The following RTL3 variants were observed in gnomAD, a reference collection of about 807,000 sequenced individuals.
RTL3 encodes the protein retrotransposon Gag like 3.
For synonymous variants in RTL3, 181 were observed against 132.2 expected, an observed-to-expected ratio of 1.37 and a Z score of -2.53; for missense variants, 468 against 341.8, an observed-to-expected ratio of 1.37 and a Z score of -2.91.
In RTL3 at chrX:78,657,928, C is replaced by T; in HGVS notation, c.493G>A (p.Glu165Lys). 1.7e-6 allele frequency: 2 copies of T among 1,208,451 alleles called. No individual in the cohort carries two copies. Among genetic ancestry groups the T allele is most frequent in the South Asian group, 1.8e-5 (1 of 56,347 alleles). The change falls in exon 2 of 2, where the codon GAG becomes AAG. Residue 165 changes from glutamate to lysine, a missense_variant. Physicochemically the swap from Glu to Lys is moderately conservative, Grantham distance 56. Coordinates refer to ENST00000321110, the MANE Select transcript of RTL3 (RefSeq NM_152694.3). ...TATTCTGGTGCCTCCTGGGGCTTCTCAATATTTGGGGGATCCTGGGGTTCT... is the reference window on the plus strand; with the variant it reads ...TATTCTGGTGCCTCCTGGGGCTTCTTAATATTTGGGGGATCCTGGGGTTCT... ...NSEPQDPPNI[E>K]KPQEAPEYQE...
In RTL3 at chrX:78,657,022, G is replaced by A. The variant is rs755328370; in HGVS notation, c.1399C>T (p.Gln467Ter). ...TGGCAGGCCTGGATGTTTCCCGCCT[G>A]CAGGGCCTGATGAGGCTTGACAGGG... is the stretch of plus-strand genomic sequence containing the variant. ...DCPVKPHQALQAGNIQACQ is the reference protein window; with the variant it reads ...DCPVKPHQAL Residue 467 changes from glutamine to a stop codon, truncating the protein, a stop_gained, in exon 2 of 2, where the codon CAG becomes TAG. Coordinates refer to ENST00000321110, the MANE Select transcript of RTL3 (RefSeq NM_152694.3). LOFTEE classifies it high-confidence loss of function. 6.6e-6 allele frequency: 8 copies of A among 1,209,657 alleles called. No homozygotes were observed. The Admixed American group carries it at 1.5e-4, about 23-fold the overall frequency.
At position 78,658,457 on chromosome X, in the gene RTL3, C is replaced by T. The variant is rs201025794; in HGVS notation, c.-37G>A. 2.0e-5 allele frequency: 22 copies of T among 1,113,559 alleles called. No homozygotes were observed. The highest frequency in any genetic ancestry group is 2.6e-5 in the Admixed American group (1 of 38,614). 91.8% of individuals were successfully genotyped at this position (1,113,559 alleles called of 1,213,427 possible). A position where few individuals can be genotyped will look rare whatever the true frequency, so the allele number is the denominator to read the frequency against. Reference sequence around the variant, plus strand: ...ATGGGTATGATTTGACAATTTGCTACCAAGAGAGATTGGGTGGGTGTTTGT... The same window carrying T: ...ATGGGTATGATTTGACAATTTGCTATCAAGAGAGATTGGGTGGGTGTTTGT... On this transcript the variant is annotated 5_prime_UTR_variant, in exon 2 of 2. Transcript: ENST00000321110.
At position 78,658,079 on chromosome X, in the gene RTL3, G is replaced by T; in HGVS notation, c.342C>A (p.Ser114=). 1 of 1,151,702 alleles carries T rather than the reference G, an allele frequency of 8.7e-7. No individual in the cohort carries two copies. Among genetic ancestry groups the T allele is most frequent in the Non-Finnish European group, 1.1e-6 (1 of 870,545 alleles). The allele number at this position is 1,151,702 out of a possible 1,213,427, so 94.9% of individuals were successfully genotyped here. Residue 114 remains serine, a synonymous_variant, in exon 2 of 2, where the codon TCC becomes TCA. Coordinates refer to ENST00000321110, the MANE Select transcript of RTL3 (RefSeq NM_152694.3). ...ACTCCCGGGTTGCTGGAGGCGCCAG[G>T]GACTCTGGGGCTGCTGGGGCCTCCT... ...ELQEAPAAPE[S]LAPPATRESQ...
At position 78,656,826 on chromosome X, in the gene RTL3, C is replaced by A; in HGVS notation, c.*167G>T. The A allele has an allele frequency of 1.3e-5, 7 of 540,758 alleles. No individual in the cohort carries two copies. Among genetic ancestry groups the A allele is most frequent in the Non-Finnish European group, 2.0e-5 (7 of 352,026 alleles). The allele number at this position is 540,758 out of a possible 1,213,427, so 44.6% of individuals were successfully genotyped here. On this transcript the variant is annotated 3_prime_UTR_variant, in exon 2 of 2. Coordinates refer to ENST00000321110, the MANE Select transcript of RTL3 (RefSeq NM_152694.3). ...GGATGGGCAGCTTCTCTCGAAGAACCACAGTATGATCAATGCTGTTTCTGT... is the reference window on the plus strand; with the variant it reads ...GGATGGGCAGCTTCTCTCGAAGAACAACAGTATGATCAATGCTGTTTCTGT...
rs189908711 is a variant in RTL3 at position 78,658,991 on chromosome X, A to T, written c.-229+270T>A. On this transcript the variant is annotated intron_variant, in intron 1 of 1. Transcript: ENST00000321110. ...TTTCAGTGACTAAATCAAATGTTTG[A>T]GCAATGTGGGAATTTTAGGCTCTGC... Among the ~76,000 whole-genome samples the T allele has an allele frequency of 1.0e-3, 111 of 110,374 alleles. 1 individual carries two copies. The highest frequency in any genetic ancestry group is 3.5e-3 in the African/African-American group (105 of 30,281).
chrX:78,658,262 T>C lies in RTL3; in HGVS notation c.159A>G (p.Arg53=). 1.7e-6 allele frequency: 2 copies of C among 1,210,659 alleles called. No individual in the cohort carries two copies. The highest frequency in any genetic ancestry group is 2.2e-6 in the Non-Finnish European group (2 of 895,173). Residue 53 remains arginine, a synonymous_variant, in exon 2 of 2, where the codon CGA becomes CGG. Coordinates refer to ENST00000321110, the MANE Select transcript of RTL3 (RefSeq NM_152694.3). The part of the protein sequence containing the change: ...SQAAKEYDLL[R]KSSEAKEPQK... ...GGGGCTCCTTGGCCTCTGAGGACTT[T>C]CGGAGTAGATCATACTCCTTGGCTG... is the stretch of plus-strand genomic sequence containing the variant.
rs866014456 is a variant in RTL3 at position 78,657,273 on chromosome X, G to C, written c.1148C>G (p.Ser383Cys). 4 of 1,210,412 alleles carry C rather than the reference G, an allele frequency of 3.3e-6. No homozygotes were observed. The African/African-American group carries it at 7.0e-5, about 21-fold the overall frequency. The change falls in exon 2 of 2, where the codon TCT (serine) becomes TGT (cysteine). Residue 383 changes from serine (S) to cysteine (C), a missense_variant. Ser to Cys is a moderately radical substitution (Grantham distance 112). Transcript: ENST00000321110. The part of the protein sequence containing the change: ...LSHTSPATNL[S>C]DLITQCISLE... The stretch of plus-strand genomic sequence containing the variant: ...GCTGATGCACTGAGTGATGAGATCA[G>C]ATAGGTTGGTGGCTGGGCTTGTGTG...
In RTL3 at chrX:78,656,170, A is replaced by G. The variant is rs780427013; in HGVS notation, c.*823T>C. On this transcript the variant is annotated 3_prime_UTR_variant, in exon 2 of 2. Transcript: ENST00000321110. The stretch of plus-strand genomic sequence containing the variant: ...CATTTTTGTGATATAGAAAATATTG[A>G]TAAGAAAAAAATCAAGTCAGTTTAA... 1 of 112,318 alleles carries G rather than the reference A, an allele frequency of 8.9e-6. No homozygotes were observed. The highest frequency in any genetic ancestry group is 3.2e-5 in the African/African-American group (1 of 30,859). 9.3% of individuals were successfully genotyped at this position (112,318 alleles called of 1,213,427 possible). A position where few individuals can be genotyped will look rare whatever the true frequency, so the allele number is the denominator to read the frequency against.
chrX:78,658,185 G>A lies in RTL3; in HGVS notation c.236C>T (p.Thr79Ile). The A allele has an allele frequency of 8.4e-7, 1 of 1,195,609 alleles. No individual in the cohort carries two copies. Residue 79 changes from threonine to isoleucine, a missense_variant, in exon 2 of 2, where the codon ACC (threonine) becomes ATC (isoleucine). Coordinates refer to ENST00000321110, the MANE Select transcript of RTL3 (RefSeq NM_152694.3). ...NPPAAWEAQK[T>I]PEFKEPQKPP... is the part of the protein sequence containing the mutation. ...CTTCTGGGGTTCCTTGAACTCTGGG[G>A]TCTTTTGGGCCTCCCAGGCTGCTGG...
In RTL3 at chrX:78,656,551, C is replaced by A. The variant is rs770361656; in HGVS notation, c.*442G>T. The A allele has an allele frequency of 2.1e-4, 25 of 118,627 alleles. No homozygotes were observed. Among genetic ancestry groups the A allele is most frequent in the Middle Eastern group, 4.1e-3 (1 of 241 alleles). 9.8% of individuals were successfully genotyped at this position (118,627 alleles called of 1,213,427 possible). A position where few individuals can be genotyped will look rare whatever the true frequency, so the allele number is the denominator to read the frequency against. ...TCTTCTATTCCACCTGTGCCTGAAG[C>A]AATTGTAGTGACAATAACGTGATAG... On this transcript the variant is annotated 3_prime_UTR_variant, in exon 2 of 2. Coordinates refer to ENST00000321110, the MANE Select transcript of RTL3 (RefSeq NM_152694.3).
chrX:78,657,707 C>T lies in RTL3; in HGVS notation c.714G>A (p.Leu238=), dbSNP rs141552212. 172 of 1,208,534 alleles carry T rather than the reference C, an allele frequency of 1.4e-4. 1 individual carries two copies. The South Asian group carries it at 2.5e-3, about 18-fold the overall frequency. ...CTCCACTGAAGGTTAAAGTGTATTG[C>T]AGGGGGAAATCTGTAGCCTCTAACC... ...PIGLEATDFP[L]QYTLTFSGDS... is the part of the protein sequence containing the mutation. The change falls in exon 2 of 2, where the codon CTG becomes CTA. Residue 238 remains leucine, a synonymous_variant. Coordinates refer to ENST00000321110, the MANE Select transcript of RTL3 (RefSeq NM_152694.3).
rs915048834 is a variant in RTL3 at position 78,657,493 on chromosome X, G to A, written c.928C>T (p.Pro310Ser). The A allele has an allele frequency of 8.3e-7, 1 of 1,207,283 alleles. No homozygotes were observed. The highest frequency in any genetic ancestry group is 1.1e-6 in the Non-Finnish European group (1 of 893,025). Reference protein sequence around the residue: ...PLLEQCESFIPVLQDTFDNPE... With the variant: ...PLLEQCESFISVLQDTFDNPE... ...TTATCAAAAGTATCCTGGAGCACAG[G>A]TATGAAACTTTCACATTGCTCCAGT... Residue 310 changes from proline to serine, a missense_variant, in exon 2 of 2, where the codon CCT (proline) becomes TCT (serine). Coordinates refer to ENST00000321110, the MANE Select transcript of RTL3 (RefSeq NM_152694.3).
At position 78,658,397 on chromosome X, in the gene RTL3, G is replaced by A; in HGVS notation, c.24C>T (p.Ser8=). The A allele has an allele frequency of 8.3e-7, 1 of 1,205,724 alleles. No homozygotes were observed. Among genetic ancestry groups the A allele is most frequent in the Non-Finnish European group, 1.1e-6 (1 of 892,912 alleles). The change falls in exon 2 of 2, where the codon TCC becomes TCT. Residue 8 remains serine, a synonymous_variant. Coordinates refer to ENST00000321110, the MANE Select transcript of RTL3 (RefSeq NM_152694.3). The part of the protein sequence containing the change: MVEDLAA[S]YIVLKLENEI... ...CATTCTCCAATTTCAGAACAATATA[G>A]GAGGCTGCTAAGTCCTCCACCATCT... is the stretch of plus-strand genomic sequence containing the variant.
At position 78,656,616 on chromosome X, in the gene RTL3, A is replaced by T. The variant is rs188235731; in HGVS notation, c.*377T>A. 41 of 165,101 alleles carry T rather than the reference A, an allele frequency of 2.5e-4. No individual in the cohort carries two copies. Among genetic ancestry groups the T allele is most frequent in the Non-Finnish European group, 4.7e-4 (41 of 87,722 alleles). The allele number at this position is 165,101 out of a possible 1,213,427, so 13.6% of individuals were successfully genotyped here. ...GGGTACTCCATTCTATGTTTGGGTC[A>T]TGTGTCTCAAGCCAATGGATTCCAA... On this transcript the variant is annotated 3_prime_UTR_variant, in exon 2 of 2. Coordinates refer to ENST00000321110, the MANE Select transcript of RTL3 (RefSeq NM_152694.3).
In RTL3 at chrX:78,658,213, G is replaced by A. The variant is rs1434702051; in HGVS notation, c.208C>T (p.Pro70Ser). ...TTTTGGGCCTCCCAGGCTGCTGGGG[G>A]ATTCATGTGCTCTGGGAGCTTCTGG... ...EPQKLPEHMN[P>S]PAAWEAQKTP... The change falls in exon 2 of 2, where the codon CCC (proline) becomes TCC (serine). Residue 70 changes from proline to serine, a missense_variant. Transcript: ENST00000321110. 7 of 1,207,494 alleles carry A rather than the reference G, an allele frequency of 5.8e-6. No individual in the cohort carries two copies. Among genetic ancestry groups the A allele is most frequent in the Non-Finnish European group, 7.8e-6 (7 of 893,825 alleles).
rs772839856 is a variant in RTL3 at position 78,656,489 on chromosome X, G to A, written c.*504C>T. 9.8e-4 allele frequency: 113 copies of A among 115,096 alleles called. 1 individual carries two copies. The highest frequency in any genetic ancestry group is 1.9e-3 in the Admixed American group (21 of 11,123). 9.5% of individuals were successfully genotyped at this position (115,096 alleles called of 1,213,427 possible). ...ACAGGTTGCCAGGAACAGTCACTAG[G>A]ACACAGGATCTACCCAGAAATTATT... On this transcript the variant is annotated 3_prime_UTR_variant, in exon 2 of 2. Coordinates refer to ENST00000321110, the MANE Select transcript of RTL3 (RefSeq NM_152694.3).
rs192655193 is a variant in RTL3 at position 78,656,981 on chromosome X, G to A, written c.*12C>T. On this transcript the variant is annotated 3_prime_UTR_variant, in exon 2 of 2. Transcript: ENST00000321110. ...GACGCATATTTGTAGATTGGCCCAC[G>A]TGGGGTCCCCCTTACTGGCAGGCCT... 365 of 1,196,581 alleles carry A rather than the reference G, an allele frequency of 3.1e-4. No homozygotes were observed. Among genetic ancestry groups the A allele is most frequent in the Non-Finnish European group, 3.8e-4 (333 of 886,812 alleles).
rs1318946303 is a variant in RTL3, at chrX:78,658,191, T to G, written c.230A>C (p.Gln77Pro). Residue 77 changes from glutamine to proline, a missense_variant, in exon 2 of 2, where the codon CAA becomes CCA. By Grantham distance (76) the Gln-to-Pro change is moderately conservative. Coordinates refer to ENST00000321110, the MANE Select transcript of RTL3 (RefSeq NM_152694.3). The stretch of plus-strand genomic sequence containing the variant: ...GGGTTCCTTGAACTCTGGGGTCTTT[T>G]GGGCCTCCCAGGCTGCTGGGGGATT... ...HMNPPAAWEA[Q>P]KTPEFKEPQK... is the part of the protein sequence containing the mutation. 8.4e-7 allele frequency: 1 copy of G among 1,195,951 alleles called. No individual in the cohort carries two copies. The highest frequency in any genetic ancestry group is 1.8e-5 in the African/African-American group (1 of 55,783).
chrX:78,657,943 C>G lies in RTL3; in HGVS notation c.478G>C (p.Asp160His). Residue 160 changes from aspartate (D) to histidine (H), a missense_variant, in exon 2 of 2, where the codon GAT (aspartate) becomes CAT (histidine). Coordinates refer to ENST00000321110, the MANE Select transcript of RTL3 (RefSeq NM_152694.3). ...TGGGGCTTCTCAATATTTGGGGGATCCTGGGGTTCTGAATTCTTGGGCTCT... is the reference window on the plus strand; with the variant it reads ...TGGGGCTTCTCAATATTTGGGGGATGCTGGGGTTCTGAATTCTTGGGCTCT... ...AQEPKNSEPQ[D>H]PPNIEKPQEA... 3 of 1,208,746 alleles carry G rather than the reference C, an allele frequency of 2.5e-6. No homozygotes were observed. The highest frequency in any genetic ancestry group is 2.3e-4 in the Middle Eastern group (1 of 4,307).
Sources: allele counts gnomAD v4.1 joint callset (sites outside exome capture counted in the v4.1 genomes callset), GRCh38; gene constraint gnomAD v4.1.1; transcripts MANE v1.5; gene names NCBI Gene and HGNC (gene_info 2026-07-23, HGNC 2026-07-21).